The following FRMD6 variants were observed in gnomAD, a reference collection of about 807,000 sequenced individuals.
FRMD6 encodes FERM domain-containing protein 6.
FRMD6 carries 37 observed loss-of-function variants against 73.2 expected under a neutral mutation model. The observed-to-expected ratio is 0.51, with a 90% confidence interval of 0.39 to 0.66. The LOEUF (loss-of-function observed/expected upper bound fraction) is 0.66, where lower values mean the gene tolerates loss of function less well. Among genes scored for constraint, FRMD6 ranks in the 30% least tolerant of loss-of-function variants. FRMD6 has a pLI of 0.00. For synonymous variants in FRMD6, 273 were observed against 282.2 expected (o/e 0.97, Z 0.33); for missense variants, 714 against 780.5 (o/e 0.91, Z 1.02).
chr14:51,718,966 A>T (rs1333318926), intron 10 of FRMD6, among the ~76,000 whole-genome samples: 4 of 152,224 alleles, frequency 2.6e-5, no homozygotes, highest in African/African-American at 7.2e-5. Context: ...CAAGACAATT[A>T]AAATCCATTA....
chr14:51,607,086 C>G (rs1255152220), intron 2 of FRMD6, among the ~76,000 whole-genome samples: 2 of 152,118 alleles, frequency 1.3e-5, no homozygotes, highest in Admixed American at 1.3e-4. Flanking sequence ...CCACTACTCC[C>G]CTGAGGCCCA....
At chr14:51,423,519 A>T in the FRMD6 span, among the ~76,000 whole-genome samples, 33,155 of 151,880 alleles carry the variant, frequency 0.22, 4,271 homozygotes, top group East Asian at 0.51. Context: ...GAGATGGCTC[A>T]CCCCTTCTTT....
chr14:51,566,973 T>G (rs726531), intron 1 of FRMD6, among the ~76,000 whole-genome samples: 125,121 of 152,128 alleles, frequency 0.82, 51,771 homozygotes, highest in African/African-American at 0.91. Context: ...CATTGAAAAC[T>G]CAAATGCCCA....
chr14:51,420,292 T>C, the FRMD6 span, among the ~76,000 whole-genome samples: 29 of 152,286 alleles, frequency 1.9e-4, no homozygotes, highest in South Asian at 6.2e-4. Context: ...CAAGACGTGG[T>C]TAAAAAATTT....
intron 2 of FRMD6, among the ~76,000 whole-genome samples, chr14:51,622,367 A>T (rs1413639609): frequency 6.6e-6 from 1 of 152,174 alleles, no homozygotes; most frequent in African/African-American, 2.4e-5. Flanking sequence ...AAATCAGGCT[A>T]TTTCTGACCC....
At chr14:51,541,611 G>A (rs146353209) in intron 1 of FRMD6, among the ~76,000 whole-genome samples, 108 of 152,148 alleles carry the variant, frequency 7.1e-4, no homozygotes, top group African/African-American at 2.4e-3. Context: ...AAAAGGTTAA[G>A]GGAGACCCAT....
At chr14:51,581,826 C>G (rs1045768803) in intron 2 of FRMD6, among the ~76,000 whole-genome samples, 4 of 152,170 alleles carry the variant, frequency 2.6e-5, no homozygotes, top group South Asian at 2.1e-4. Context: ...GCTTTCCCTA[C>G]CCGCATTAAA....
At chr14:51,500,211 C>CGAATGT (rs1339233382) in intron 1 of FRMD6, among the ~76,000 whole-genome samples, 1 of 152,052 alleles carries the variant, frequency 6.6e-6, no homozygotes, top group African/African-American at 2.4e-5. Context: ...GAGATGTAAA[C>CGAATGT]GAATGTGGAA....
At chr14:51,463,042 C>T in the FRMD6 span, among the ~76,000 whole-genome samples, 415 of 152,256 alleles carry the variant, frequency 2.7e-3, no homozygotes, top group African/African-American at 7.8e-3. Flanking sequence ...ATAGATATTC[C>T]AGCTATACAC....
intron 2 of FRMD6, among the ~76,000 whole-genome samples, chr14:51,594,465 A>G (rs1159926843): frequency 6.6e-6 from 1 of 152,060 alleles, no homozygotes; most frequent in East Asian, 1.9e-4. Flanking sequence ...AGTAGCTGGG[A>G]TTAGAGGCAT....
chr14:51,636,127 G>GTGGTGGTGAGACAAGA (rs1891547565), intron 2 of FRMD6, among the ~76,000 whole-genome samples: 1 of 152,212 alleles, frequency 6.6e-6, no homozygotes, highest in South Asian at 2.1e-4. Context: ...TGGGCCTCAG[G>GTGGTGGTGAGACAAGA]TGGTGGTGAG....
the FRMD6 span, among the ~76,000 whole-genome samples, chr14:51,481,585 G>A: frequency 3.9e-4 from 59 of 152,316 alleles, 1 homozygote; most frequent in East Asian, 5.0e-3. Flanking sequence ...AAAAGTATAC[G>A]GTGTAAAGGA....
chr14:51,719,523 TTGAACAAA>T (rs1280644499), intron 10 of FRMD6, among the ~76,000 whole-genome samples: 1 of 152,230 alleles, frequency 6.6e-6, no homozygotes, highest in Non-Finnish European at 1.5e-5. Flanking sequence ...GTGGAACAAA[TTGAACAAA>T]TGAACAAATA....
At chr14:51,670,035 A>G (rs1893886961) in intron 1 of FRMD6, among the ~76,000 whole-genome samples, 1 of 152,104 alleles carries the variant, frequency 6.6e-6, no homozygotes, top group East Asian at 1.9e-4. Context: ...TTACCGAAAA[A>G]AAAAAGTCCC....
At chr14:51,509,425 G>A (rs1035250192) in intron 1 of FRMD6, among the ~76,000 whole-genome samples, 1 of 152,042 alleles carries the variant, frequency 6.6e-6, no homozygotes, top group Admixed American at 6.5e-5. Context: ...TACTCGGGAG[G>A]CTGAGGCAGG....
intron 1 of FRMD6, among the ~76,000 whole-genome samples, chr14:51,559,503 C>T (rs1436974850): frequency 6.7e-6 from 1 of 149,746 alleles, no homozygotes. Flanking sequence ...TTAAGCAAGC[C>T]TTCCTTGTGA....
chr14:51,719,664 A>C (rs1897423057), intron 10 of FRMD6, among the ~76,000 whole-genome samples: 1 of 152,234 alleles, frequency 6.6e-6, no homozygotes, highest in Non-Finnish European at 1.5e-5. Context: ...TACTTTCGCA[A>C]AATACAAAAT....
Position 51,704,820 on chromosome 14 carries a change from G to T in FRMD6, c.443G>T (p.Arg148Leu). ...GTTCTTCATTCTCAGTGTGTGCTCC[G>T]AGAGGAGGCCTACTTCCTGCTGGCA... ...KQVLHSQCVL[R>L]EEAYFLLAAF... The change falls in exon 6 of 14, where the codon CGA becomes CTA. Residue 148 changes from arginine to leucine, a missense_variant. Physicochemically the swap from Arg to Leu is moderately radical, Grantham distance 102. Transcript: ENST00000344768. 6.2e-7 allele frequency: 1 copy of T among 1,613,368 alleles called. No individual in the cohort carries two copies. Among genetic ancestry groups the T allele is most frequent in the Non-Finnish European group, 8.5e-7 (1 of 1,179,596 alleles).
intron 2 of FRMD6, among the ~76,000 whole-genome samples, chr14:51,577,982 T>C (rs1335309798): frequency 6.6e-6 from 1 of 152,182 alleles, no homozygotes; most frequent in African/African-American, 2.4e-5. Flanking sequence ...CAGGTTATCA[T>C]GAGCAGAAAT....
Sources: gnomAD v4.1 joint callset for allele counts (sites outside exome capture counted in the v4.1 genomes callset) on GRCh38, gnomAD v4.1.1 for gene constraint, MANE v1.5 for transcripts, NCBI Gene and HGNC (gene_info 2026-07-23, HGNC 2026-07-21) for gene names.